The following SORCS3 variants were observed in gnomAD, a reference collection of about 807,000 sequenced individuals.
SORCS3 encodes the protein VPS10 domain-containing receptor SorCS3.
A neutral mutation model predicts 146.3 loss-of-function variants in SORCS3; 57 were observed. The ratio of observed to expected loss-of-function variants is 0.39; its 90% confidence interval spans 0.31 to 0.49. The LOEUF is 0.49. Ranked by LOEUF, SORCS3 falls within the 20% of genes least tolerant of loss-of-function variation. The pLI is 0.92. For synonymous variants in SORCS3, 653 were observed against 618.5 expected (o/e 1.06, Z -0.83); for missense variants, 1,341 against 1,575.5 (o/e 0.85, Z 2.52).
In SORCS3 at chr10:104,806,005, A is replaced by G. The variant is rs186357370; in HGVS notation, c.628-36787A>G. Among the ~76,000 whole-genome samples, 88 of 152,286 alleles carry G rather than the reference A, an allele frequency of 5.8e-4. 2 individuals carry two copies. Among genetic ancestry groups the G allele is most frequent in the Admixed American group, 5.8e-3 (88 of 15,292 alleles). On this transcript the variant is annotated intron_variant, in intron 1 of 26. Transcript: ENST00000369701. Reference sequence around the variant, plus strand: ...TGGTCTGCATTATGAGGCCCATGGAATGGAGCAAGTGTTGGGAGATAAGTT... The same window carrying G: ...TGGTCTGCATTATGAGGCCCATGGAGTGGAGCAAGTGTTGGGAGATAAGTT...
chr10:104,991,763 T>C (rs1413865751), intron 4 of SORCS3, among the ~76,000 whole-genome samples: 3 of 152,162 alleles, frequency 2.0e-5, no homozygotes, highest in Non-Finnish European at 4.4e-5. Context: ...CCTCCCAAAG[T>C]GCTGGGATTA....
At chr10:105,039,136 T>C (rs1168890118) in intron 4 of SORCS3, among the ~76,000 whole-genome samples, 1 of 152,218 alleles carries the variant, frequency 6.6e-6, no homozygotes, top group Non-Finnish European at 1.5e-5. Flanking sequence ...TTTTAGTGAC[T>C]GAATGAATAA....
chr10:105,114,711 C>A (rs917976628), intron 7 of SORCS3, among the ~76,000 whole-genome samples: 3 of 152,104 alleles, frequency 2.0e-5, no homozygotes, highest in Non-Finnish European at 4.4e-5. Context: ...TGTAAAGATG[C>A]CAAGCGGACA....
At chr10:105,193,089 G>T (rs1021645170) in intron 14 of SORCS3, among the ~76,000 whole-genome samples, 3 of 151,970 alleles carry the variant, frequency 2.0e-5, no homozygotes, top group African/African-American at 7.3e-5. Flanking sequence ...TTTGTGAACC[G>T]CCTCCCTCCC....
intron 1 of SORCS3, among the ~76,000 whole-genome samples, chr10:104,807,512 TA>T (rs74609905): frequency 0.17 from 25,343 of 152,154 alleles, 2,438 homozygotes; most frequent in African/African-American, 0.27. Flanking sequence ...TAGAGGTTAC[TA>T]AACTGGAGGA....
intron 1 of SORCS3, among the ~76,000 whole-genome samples, chr10:104,770,193 G>A (rs1266592715): frequency 6.6e-6 from 1 of 152,206 alleles, no homozygotes; most frequent in African/African-American, 2.4e-5. Context: ...CTGCTGTAGG[G>A]AGGACATGTG....
chr10:104,751,953 ATATATATATATAT>A lies in SORCS3; in HGVS notation c.628-90838_628-90826del, dbSNP rs1564675431. Among the ~76,000 whole-genome samples, 628 of 117,342 alleles carry A rather than the reference ATATATATATATAT, an allele frequency of 5.4e-3. 14 individuals carry two copies. Among genetic ancestry groups the A allele is most frequent in the African/African-American group, 0.023 (597 of 26,486 alleles). The allele number at this position is 117,342 out of a possible 152,430, so 77.0% of individuals were successfully genotyped here. On this transcript the variant is annotated intron_variant, in intron 1 of 26. Transcript: ENST00000369701. ...TATATATATATATATATATATATAT[ATATATATATATAT>A]ATAATAGTTTAGCAGCAGGAATGAG...
intron 4 of SORCS3, among the ~76,000 whole-genome samples, chr10:105,004,000 C>CTTTTTTTTTTTTTTTT (rs1226455197): frequency 8.6e-5 from 12 of 140,288 alleles, no homozygotes; most frequent in African/African-American, 1.6e-4. Flanking sequence ...TCTTCTCTCT[C>CTTTTTTTTTTTTTTTT]TTTTTTTTTT....
chr10:105,128,918 A>G (rs1277630049), intron 7 of SORCS3, among the ~76,000 whole-genome samples: 5 of 152,188 alleles, frequency 3.3e-5, no homozygotes, highest in African/African-American at 1.2e-4. Context: ...GATAACTACA[A>G]CTAGTTCCTT....
chr10:105,088,652 C>T (rs544260974), intron 5 of SORCS3, among the ~76,000 whole-genome samples: 10 of 152,232 alleles, frequency 6.6e-5, no homozygotes, highest in South Asian at 2.1e-4. Context: ...CCTTCAGCCC[C>T]GCAACATAGA....
chr10:105,261,999 G>A (rs1004808631), intron 25 of SORCS3, among the ~76,000 whole-genome samples: 3 of 152,170 alleles, frequency 2.0e-5, no homozygotes, highest in Non-Finnish European at 2.9e-5. Flanking sequence ...TCAAAGTCTA[G>A]CTCCTTTAAA....
intron 21 of SORCS3, among the ~76,000 whole-genome samples, chr10:105,245,922 G>C (rs552684538): frequency 2.6e-5 from 4 of 152,142 alleles, no homozygotes; most frequent in Admixed American, 6.5e-5. Flanking sequence ...ACAAAGACAC[G>C]TATCACAAAT....
chr10:104,987,665 A>G (rs1351847884), intron 4 of SORCS3, among the ~76,000 whole-genome samples: 1 of 151,966 alleles, frequency 6.6e-6, no homozygotes, highest in Admixed American at 6.6e-5. Flanking sequence ...CAAAAAGTGT[A>G]CTCTTGTTGG....
chr10:105,230,093 C>T (rs899935985), intron 20 of SORCS3, among the ~76,000 whole-genome samples: 13 of 152,046 alleles, frequency 8.6e-5, no homozygotes, highest in Non-Finnish European at 1.5e-4. Context: ...GTGGTAGTGG[C>T]AGGGTGGTGT....
In SORCS3 at chr10:104,883,978, G is replaced by C. The variant is rs11192220; in HGVS notation, c.696-31855G>C. Among the ~76,000 whole-genome samples the C allele has an allele frequency of 3.4e-5, 5 of 146,214 alleles. No individual in the cohort carries two copies. In the South Asian group the frequency reaches 6.6e-4, roughly 19 times the overall value. On this transcript the variant is annotated intron_variant, in intron 2 of 26. Transcript: ENST00000369701. ...CATCCACTGTTCTGCTGTGGAATGA[G>C]GGGGGGGAAAGGGTCCTACCCTATC...
chr10:105,140,915 A>G lies in SORCS3; in HGVS notation c.1302+1429A>G, dbSNP rs144575964. On this transcript the variant is annotated intron_variant, in intron 8 of 26. Transcript: ENST00000369701. ...CAGATATTCTAAACCCAAACAGGAA[A>G]GAGATATTCCAGCTTGGAGAAGGTT... is the stretch of plus-strand genomic sequence containing the variant. Among the ~76,000 whole-genome samples, 745 of 152,284 alleles carry G rather than the reference A, an allele frequency of 4.9e-3. 12 individuals are homozygous for G. The South Asian group carries it at 0.05, about 10-fold the overall frequency.
chr10:105,042,155 C>T lies in SORCS3; in HGVS notation c.955-900C>T, dbSNP rs2055342410. Among the ~76,000 whole-genome samples, 5 of 152,264 alleles carry T rather than the reference C, an allele frequency of 3.3e-5. No individual in the cohort carries two copies. In the South Asian group the frequency reaches 1.0e-3, roughly 32 times the overall value. ...TGCCCCCTTATGACTCATAGTCTAG[C>T]AGGGTAGAGACATGCCAACCAGCAA... On this transcript the variant is annotated intron_variant, in intron 4 of 26. Coordinates refer to ENST00000369701, the MANE Select transcript of SORCS3 (RefSeq NM_014978.3).
chr10:104,980,836 A>G (rs1158699224), intron 4 of SORCS3, among the ~76,000 whole-genome samples: 4 of 152,234 alleles, frequency 2.6e-5, no homozygotes, highest in African/African-American at 9.6e-5. Context: ...GATCTCACTC[A>G]GTAAAGGCAC....
intron 1 of SORCS3, among the ~76,000 whole-genome samples, chr10:104,804,166 C>T (rs61867293): frequency 0.15 from 22,782 of 152,164 alleles, 2,087 homozygotes; most frequent in Middle Eastern, 0.21. Flanking sequence ...TCACTTGATT[C>T]TGACAAGTGT....
Sources: gnomAD v4.1 joint callset for allele counts (sites outside exome capture counted in the v4.1 genomes callset) on GRCh38, gnomAD v4.1.1 for gene constraint, MANE v1.5 for transcripts, NCBI Gene and HGNC (gene_info 2026-07-23, HGNC 2026-07-21) for gene names.